Variants in ERICH6B observed in about 807,000 individuals in gnomAD.
ERICH6B encodes the protein glutamate-rich protein 6B.
Under a neutral mutation model 80.0 loss-of-function variants are expected in ERICH6B, and 69 were observed. That is an observed-to-expected ratio of 0.86 (90% CI 0.71 to 1.05). The LOEUF is 1.05. ERICH6B is among the 50% of genes least tolerant of loss of function. The pLI, the probability that ERICH6B is intolerant of heterozygous loss-of-function variation, is 0.00. For missense variants in ERICH6B, 754 were observed against 796.1 expected, an observed-to-expected ratio of 0.95 and a Z score of 0.64; for synonymous variants, 283 against 291.9, an observed-to-expected ratio of 0.97 and a Z score of 0.31.
At chr13:45,605,654 G>C (rs960542770) in intron 2 of ERICH6B, among the ~76,000 whole-genome samples, 2 of 152,216 alleles carry the variant, frequency 1.3e-5, no homozygotes, top group African/African-American at 4.8e-5. Flanking sequence ...TTGGAGGAGA[G>C]CCCTCCTCAG....
intron 13 of ERICH6B, among the ~76,000 whole-genome samples, chr13:45,546,320 T>C (rs1328652831): frequency 1.3e-5 from 2 of 152,018 alleles, no homozygotes; most frequent in South Asian, 4.2e-4. Flanking sequence ...CAGCAACATC[T>C]CTAGGGAATC....
intron 6 of ERICH6B, 120 bp from the exon 7 acceptor site, chr13:45,580,094 T>C (rs1295149807): frequency 2.4e-6 from 2 of 831,694 alleles, no homozygotes; most frequent in Non-Finnish European, 3.8e-6. Flanking sequence ...AGCCTCAGGG[T>C]GGAGTGCCTG....
intron 5 of ERICH6B, among the ~76,000 whole-genome samples, chr13:45,583,913 C>T (rs572358294): frequency 1.3e-5 from 2 of 152,222 alleles, no homozygotes; most frequent in Non-Finnish European, 2.9e-5. Flanking sequence ...ACTAATACAC[C>T]ATCTGACCTC....
chr13:45,571,426 C>T (rs1875162693), intron 8 of ERICH6B, among the ~76,000 whole-genome samples: 1 of 152,030 alleles, frequency 6.6e-6, no homozygotes, highest in South Asian at 2.1e-4. Context: ...ACACTAACTG[C>T]AAACCAAGAA....
At chr13:45,606,325 G>T (rs1949859040) in intron 2 of ERICH6B, among the ~76,000 whole-genome samples, 1 of 151,258 alleles carries the variant, frequency 6.6e-6, no homozygotes, top group Admixed American at 6.6e-5. Flanking sequence ...TTTAATTTCA[G>T]ATCTCAGAAG....
chr13:45,576,900 T>C (rs775832246), intron 7 of ERICH6B, among the ~76,000 whole-genome samples: 7 of 152,182 alleles, frequency 4.6e-5, no homozygotes, highest in Non-Finnish European at 1.0e-4. Flanking sequence ...AGCAGTATCA[T>C]AGCTGTGACT....
intron 2 of ERICH6B, among the ~76,000 whole-genome samples, chr13:45,603,306 C>T (rs945894882): frequency 2.0e-5 from 3 of 152,234 alleles, no homozygotes; most frequent in African/African-American, 7.2e-5. Flanking sequence ...CAGCCACACC[C>T]AGAAATAATG....
intron 13 of ERICH6B, among the ~76,000 whole-genome samples, chr13:45,546,122 T>A (rs770711700): frequency 4.6e-5 from 7 of 152,170 alleles, no homozygotes; most frequent in African/African-American, 9.7e-5. Context: ...AGGGCACCCA[T>A]ATTGATAGGT....
chr13:45,588,439 A>C lies in ERICH6B; in HGVS notation c.687-1207T>G, dbSNP rs145908768. Among the ~76,000 whole-genome samples, 819 of 152,314 alleles carry C rather than the reference A, an allele frequency of 5.4e-3. 4 individuals carry two copies. Among genetic ancestry groups the C allele is most frequent in the African/African-American group, 0.018 (756 of 41,572 alleles). On this transcript the variant is annotated intron_variant, in intron 4 of 14. Coordinates refer to ENST00000298738, the MANE Select transcript of ERICH6B (RefSeq NM_182542.3). ...AGGGCAGGTGACCGCAGGGATTAAGAACAGGCGGATGCAGGTGAGTTCCTT... is the reference window on the plus strand; with the variant it reads ...AGGGCAGGTGACCGCAGGGATTAAGCACAGGCGGATGCAGGTGAGTTCCTT...
intron 2 of ERICH6B, among the ~76,000 whole-genome samples, chr13:45,606,996 C>CT (rs1949871074): frequency 6.6e-6 from 1 of 152,028 alleles, no homozygotes; most frequent in Non-Finnish European, 1.5e-5. Context: ...TCCTTGCGGC[C>CT]AGTTGTGCTG....
chr13:45,574,908 C>T lies in ERICH6B; in HGVS notation c.984G>A (p.Glu328=). 1 of 1,551,420 alleles carries T rather than the reference C, an allele frequency of 6.4e-7. No individual in the cohort carries two copies. The highest frequency in any genetic ancestry group is 8.7e-7 in the Non-Finnish European group (1 of 1,146,916). ...EENVLEFASK[E]NFWDGITDES... ...CATCTGTTATACCATCCCAAAAGTTCTCTTTAGAAGCAAACTCCAGGACTT... is the reference window on the plus strand; with the variant it reads ...CATCTGTTATACCATCCCAAAAGTTTTCTTTAGAAGCAAACTCCAGGACTT... Residue 328 remains glutamate (E), a synonymous_variant, in exon 8 of 15, where the codon GAG becomes GAA. Coordinates refer to ENST00000298738, the MANE Select transcript of ERICH6B (RefSeq NM_182542.3).
intron 1 of ERICH6B, among the ~76,000 whole-genome samples, chr13:45,610,348 A>G (rs1464391811): frequency 6.6e-6 from 1 of 152,162 alleles, no homozygotes; most frequent in East Asian, 1.9e-4. Flanking sequence ...CTAACCAATC[A>G]GCAGCAATAA....
intron 11 of ERICH6B, among the ~76,000 whole-genome samples, chr13:45,552,131 A>G (rs1326138859): frequency 6.6e-6 from 1 of 152,156 alleles, no homozygotes; most frequent in African/African-American, 2.4e-5. Flanking sequence ...TGTATAAAGG[A>G]CTTTTGGTTA....
At chr13:45,614,322 T>C (rs1285343424) in intron 1 of ERICH6B, among the ~76,000 whole-genome samples, 1 of 152,166 alleles carries the variant, frequency 6.6e-6, no homozygotes, top group African/African-American at 2.4e-5. Context: ...TCCTGACTGC[T>C]CTCTCACTGC....
At chr13:45,560,631 C>T (rs1212935549) in intron 11 of ERICH6B, among the ~76,000 whole-genome samples, 1 of 152,206 alleles carries the variant, frequency 6.6e-6, no homozygotes, top group Non-Finnish European at 1.5e-5. Flanking sequence ...TTTCTTGCCC[C>T]CACGCCCTAG....
chr13:45,564,226 T>G, intron 9 of ERICH6B, among the ~76,000 whole-genome samples: 1 of 152,208 alleles, frequency 6.6e-6, no homozygotes, highest in Admixed American at 6.5e-5. Context: ...TCAAATAGCC[T>G]TACTCAAAAG....
At position 45,596,634 on chromosome 13, in the gene ERICH6B, C is replaced by T. The variant is rs1876394085; in HGVS notation, c.372G>A (p.Glu124=). 5 of 1,547,280 alleles carry T rather than the reference C, an allele frequency of 3.2e-6. No individual in the cohort carries two copies. The highest frequency in any genetic ancestry group is 1.4e-5 in the African/African-American group (1 of 73,090). Reference sequence around the variant, plus strand: ...GCTCTTCCTTCCCCAGGTACTCTTCCTCCTCCAGATACCCTTCCTTCCCCA... The same window carrying T: ...GCTCTTCCTTCCCCAGGTACTCTTCTTCCTCCAGATACCCTTCCTTCCCCA... ...EYLGKEGYLE[E]EEYLGKEEHL... Residue 124 remains glutamate (E), a synonymous_variant, in exon 3 of 15, where the codon GAG becomes GAA. Coordinates refer to ENST00000298738, the MANE Select transcript of ERICH6B (RefSeq NM_182542.3).
At chr13:45,568,593 G>T in intron 8 of ERICH6B, 142 bp from the exon 9 acceptor site, 2 of 791,050 alleles carry the variant, frequency 2.5e-6, no homozygotes, top group Non-Finnish European at 3.8e-6. Flanking sequence ...CAGGGGCAGG[G>T]GGAGGGAGAG....
At chr13:45,564,885 G>C (rs1282445579) in intron 9 of ERICH6B, among the ~76,000 whole-genome samples, 1 of 152,182 alleles carries the variant, frequency 6.6e-6, no homozygotes, top group African/African-American at 2.4e-5. Flanking sequence ...GGGAAGACTG[G>C]CTGTTCGTCT....
Sources: gnomAD v4.1 joint callset for allele counts (sites outside exome capture counted in the v4.1 genomes callset) on GRCh38, gnomAD v4.1.1 for gene constraint, MANE v1.5 for transcripts, NCBI Gene and HGNC (gene_info 2026-07-23, HGNC 2026-07-21) for gene names.